Variants in DMXL2 observed in about 807,000 individuals in gnomAD.
DMXL2 encodes Dmx like 2, also known as dmX-like protein 2.
Under a neutral mutation model 331.1 loss-of-function variants are expected in DMXL2, and 103 were observed. That is an observed-to-expected ratio of 0.31 (90% CI 0.27 to 0.37). The LOEUF is 0.37. DMXL2 is among the 10% of genes least tolerant of loss of function. The pLI is 1.00. For synonymous variants in DMXL2, 1,281 were observed against 1,252.1 expected (o/e 1.02, Z -0.49); for missense variants, 3,171 against 3,642.9 (o/e 0.87, Z 3.33).
chr15:51,505,298 T>C (rs959796103), intron 16 of DMXL2, among the ~76,000 whole-genome samples: 3 of 152,340 alleles, frequency 2.0e-5, no homozygotes, highest in East Asian at 1.9e-4. Flanking sequence ...TGTAATCTCA[T>C]TGTCTGTGAC....
At chr15:51,600,532 C>A (rs2053154268) in intron 1 of DMXL2, among the ~76,000 whole-genome samples, 1 of 152,134 alleles carries the variant, frequency 6.6e-6, no homozygotes, top group Admixed American at 6.5e-5. Flanking sequence ...TAGGTGGCAC[C>A]CCTCTTCCTG....
chr15:51,468,690 A>G (rs1417004719), intron 29 of DMXL2, among the ~76,000 whole-genome samples: 5 of 152,230 alleles, frequency 3.3e-5, no homozygotes, highest in Non-Finnish European at 5.9e-5. Flanking sequence ...TTATATTATC[A>G]TAATTTAAAA....
At chr15:51,508,121 G>A (rs186156469) in intron 15 of DMXL2, among the ~76,000 whole-genome samples, 2 of 152,122 alleles carry the variant, frequency 1.3e-5, no homozygotes, top group Admixed American at 1.3e-4. Flanking sequence ...AGTGGGAGTT[G>A]AACAATGAGA....
At chr15:51,616,954 A>AAAAC (rs1555452191) in intron 1 of DMXL2, among the ~76,000 whole-genome samples, 2 of 151,518 alleles carry the variant, frequency 1.3e-5, no homozygotes, top group African/African-American at 4.8e-5. Context: ...AAAAAAAAAA[A>AAAAC]AAAAAACTGA....
rs760002607 is a variant in DMXL2, at chr15:51,507,142, G to T, written c.2756C>A (p.Ala919Glu). The change falls in exon 16 of 44, where the codon GCA (alanine) becomes GAA (glutamate). Residue 919 changes from alanine to glutamate, a missense_variant. By Grantham distance (107) the Ala-to-Glu change is moderately radical (BLOSUM62 -1). Around this residue, in one of 7 missense-constraint regions of DMXL2, gnomAD observed 1,674 missense variants for 1,780.2 expected, o/e 0.94. Coordinates refer to ENST00000560891, the MANE Select transcript of DMXL2 (RefSeq NM_001378457.1). ...MWHLHLKSVQACLAKASEGAS... is the reference protein window; with the variant it reads ...MWHLHLKSVQECLAKASEGAS... ...AAACTATAATTACTTACCTAAACATGCTTGTACAGATTTAAGATGAAGGTG... is the reference window on the plus strand; with the variant it reads ...AAACTATAATTACTTACCTAAACATTCTTGTACAGATTTAAGATGAAGGTG... The T allele has an allele frequency of 1.9e-6, 3 of 1,602,652 alleles. No individual in the cohort carries two copies. The highest frequency in any genetic ancestry group is 2.6e-6 in the Non-Finnish European group (3 of 1,173,304).
At chr15:51,462,551 G>T (rs1033562882) in intron 33 of DMXL2, among the ~76,000 whole-genome samples, 1 of 152,068 alleles carries the variant, frequency 6.6e-6, no homozygotes, top group African/African-American at 2.4e-5. Context: ...TGGTCAGGCT[G>T]GTCATGAACT....
chr15:51,495,087 G>A lies in DMXL2; in HGVS notation c.4720C>T (p.Arg1574Cys), dbSNP rs759997371. Reference sequence around the variant, plus strand: ...GATGTCAAAAGGCATGTGTGTAGGCGCATAGCTAACAAGTATCTCAAACCA... The same window carrying A: ...GATGTCAAAAGGCATGTGTGTAGGCACATAGCTAACAAGTATCTCAAACCA... ...ECGLRYLLAM[R>C]LHTCLLTSLP... The change falls in exon 19 of 44, where the codon CGC becomes TGC. Residue 1574 changes from arginine to cysteine, a missense_variant. This residue lies in a region of DMXL2 where 252 missense variants were observed against 387.4 expected (regional missense o/e 0.65). Coordinates refer to ENST00000560891, the MANE Select transcript of DMXL2 (RefSeq NM_001378457.1). 1.5e-5 allele frequency: 24 copies of A among 1,612,952 alleles called. No homozygotes were observed. Among genetic ancestry groups the A allele is most frequent in the Admixed American group, 5.0e-5 (3 of 59,942 alleles).
At chr15:51,574,605 C>G (rs1490443315) in intron 2 of DMXL2, among the ~76,000 whole-genome samples, 3 of 152,248 alleles carry the variant, frequency 2.0e-5, no homozygotes, top group Admixed American at 6.5e-5. Context: ...ACATGTCAAT[C>G]AATGAATGAA....
chr15:51,560,265 T>C (rs1176568415), intron 6 of DMXL2, among the ~76,000 whole-genome samples: 1 of 152,110 alleles, frequency 6.6e-6, no homozygotes, highest in Non-Finnish European at 1.5e-5. Context: ...CAAAAGTAGA[T>C]ACTGAAATAT....
chr15:51,499,405 C>T lies in DMXL2; in HGVS notation c.3819G>A (p.Gln1273=), dbSNP rs779202019. 42 of 1,613,840 alleles carry T rather than the reference C, an allele frequency of 2.6e-5. No individual in the cohort carries two copies. In the Admixed American group the frequency reaches 6.7e-4, roughly 26 times the overall value. The change falls in exon 18 of 44, where the codon CAG becomes CAA. Residue 1273 remains glutamine (Q), a synonymous_variant. Transcript: ENST00000560891. The part of the protein sequence containing the change: ...GMDCEMHVYA[Q]WKHAVKFGDT... ...CTCCAAATTTGACAGCATGCTTCCA[C>T]TGTGCATATACATGCATTTCACAAT...
At chr15:51,616,039 C>A (rs2054263820) in intron 1 of DMXL2, among the ~76,000 whole-genome samples, 1 of 152,072 alleles carries the variant, frequency 6.6e-6, no homozygotes, top group African/African-American at 2.4e-5. Flanking sequence ...AGGAAGAAAA[C>A]AACAATTATT....
chr15:51,594,681 C>T (rs1355327823), intron 1 of DMXL2, among the ~76,000 whole-genome samples: 1 of 152,150 alleles, frequency 6.6e-6, no homozygotes, highest in East Asian at 1.9e-4. Flanking sequence ...TACTGGCAAA[C>T]CAAATCCAGC....
intron 3 of DMXL2, 43 bp from the exon 4 acceptor site, chr15:51,565,209 T>C: frequency 7.4e-7 from 1 of 1,353,182 alleles, no homozygotes; most frequent in Non-Finnish European, 1.0e-6. Context: ...AAGAAAAAGA[T>C]GTTTTTCAAA....
chr15:51,614,133 G>C (rs770741064), intron 1 of DMXL2, among the ~76,000 whole-genome samples: 2 of 152,062 alleles, frequency 1.3e-5, no homozygotes, highest in African/African-American at 4.8e-5. Flanking sequence ...AAAAGACACC[G>C]CAAGTGCATG....
chr15:51,558,753 C>G (rs2049764611), intron 6 of DMXL2, among the ~76,000 whole-genome samples: 1 of 152,116 alleles, frequency 6.6e-6, no homozygotes, highest in African/African-American at 2.4e-5. Context: ...CTTGGAAAGC[C>G]TACCCTCACC....
chr15:51,522,966 T>C (rs535613916), intron 13 of DMXL2, among the ~76,000 whole-genome samples: 61 of 152,340 alleles, frequency 4.0e-4, no homozygotes, highest in African/African-American at 1.5e-3. Context: ...CCAATTCTAC[T>C]CTACCCTGCA....
intron 33 of DMXL2, among the ~76,000 whole-genome samples, chr15:51,461,557 C>A (rs1023551023): frequency 2.0e-5 from 3 of 152,140 alleles, no homozygotes; most frequent in Non-Finnish European, 4.4e-5. Flanking sequence ...GACCAGAAAT[C>A]TTATTGATTA....
chr15:51,563,847 T>C (rs1302591931), intron 5 of DMXL2, among the ~76,000 whole-genome samples: 1 of 152,046 alleles, frequency 6.6e-6, no homozygotes, highest in East Asian at 1.9e-4. Flanking sequence ...TCTCCATCCT[T>C]ACCTCAATCT....
At chr15:51,474,267 C>CCT in intron 28 of DMXL2, 77 bp downstream of exon 28, 1 of 1,414,114 alleles carries the variant, frequency 7.1e-7, no homozygotes. Flanking sequence ...AGTGAAATTT[C>CCT]TTGAAACATT....
Sources: gnomAD v4.1 joint callset for allele counts (sites outside exome capture counted in the v4.1 genomes callset) on GRCh38, gnomAD v4.1.1 for gene constraint, gnomAD v4.1.1 regional missense constraint, MANE v1.5 for transcripts, NCBI Gene and HGNC (gene_info 2026-07-23, HGNC 2026-07-21) for gene names.